Variants in FGD5 observed in about 807,000 individuals in gnomAD.
FGD5 encodes FYVE, RhoGEF and PH domain-containing protein 5.
In FGD5, 28 loss-of-function variants were observed where a neutral mutation model predicts 133.4. The observed-to-expected ratio is 0.21, with a 90% CI of 0.16 to 0.29. The LOEUF (loss-of-function observed/expected upper bound fraction) is 0.29, where lower values mean the gene tolerates loss of function less well. Ranked by LOEUF, FGD5 falls within the 10% of genes least tolerant of loss-of-function variation. The pLI is 1.00. For synonymous variants in FGD5, 810 were observed against 776.5 expected, an observed-to-expected ratio of 1.04 and a Z score of -0.72; for missense variants, 1,858 against 1,895.2, an observed-to-expected ratio of 0.98 and a Z score of 0.36.
chr3:14,910,157 A>G (rs1364106992), intron 10 of FGD5, among the ~76,000 whole-genome samples: 1 of 152,224 alleles, frequency 6.6e-6, no homozygotes, highest in Non-Finnish European at 1.5e-5. Flanking sequence ...TCTGTATACA[A>G]TTTATACCTC....
In FGD5 at chr3:14,820,840, G is replaced by A; in HGVS notation, c.1769G>A (p.Gly590Asp). Residue 590 changes from glycine to aspartate, a missense_variant, in exon 1 of 20, where the codon GGC (glycine) becomes GAC (aspartate). Gly to Asp is a moderately conservative substitution (Grantham distance 94). Transcript: ENST00000285046. The part of the protein sequence containing the change: ...EDNLSLSCVI[G>D]SSGSFSQRNH... ...AATCTCTCTCTGTCGTGTGTAATTG[G>A]CTCCTCTGGGAGTTTCTCCCAGAGA... 2 of 1,613,736 alleles carry A rather than the reference G, an allele frequency of 1.2e-6. No homozygotes were observed. The highest frequency in any genetic ancestry group is 1.7e-6 in the Non-Finnish European group (2 of 1,179,828).
At chr3:14,829,175 T>A (rs2036657997) in intron 1 of FGD5, among the ~76,000 whole-genome samples, 1 of 150,986 alleles carries the variant, frequency 6.6e-6, no homozygotes, top group Non-Finnish European at 1.5e-5. Flanking sequence ...GTCTGGAGAG[T>A]CGAAAGGATC....
intron 11 of FGD5, among the ~76,000 whole-genome samples, chr3:14,915,316 GCT>G (rs141976002): frequency 0.02 from 2,987 of 152,334 alleles, 87 homozygotes; most frequent in East Asian, 0.11. Flanking sequence ...CCCTCAGCAG[GCT>G]CTGTCTATCC....
chr3:14,925,379 A>C (rs906172288), intron 17 of FGD5, among the ~76,000 whole-genome samples: 1 of 152,096 alleles, frequency 6.6e-6, no homozygotes, highest in South Asian at 2.1e-4. Flanking sequence ...AGATCATTTC[A>C]TAATCACATA....
chr3:14,884,944 C>T (rs1376908832), intron 4 of FGD5, among the ~76,000 whole-genome samples: 4 of 151,878 alleles, frequency 2.6e-5, no homozygotes, highest in African/African-American at 4.8e-5. Flanking sequence ...TTATCTACCG[C>T]GACATCTAGA....
At chr3:14,815,905 C>T (rs1223604160), upstream of FGD5, among the ~76,000 whole-genome samples, 3 of 152,238 alleles carry the variant, frequency 2.0e-5, no homozygotes, top group South Asian at 2.1e-4. Context: ...CCTCTCTGTG[C>T]CTTAGTTTCC....
chr3:14,885,047 G>A (rs1022981767), intron 4 of FGD5, among the ~76,000 whole-genome samples: 3 of 151,392 alleles, frequency 2.0e-5, no homozygotes, highest in South Asian at 2.1e-4. Context: ...AAATACAGAG[G>A]GCTGTGTAAA....
chr3:14,918,180 G>A (rs1260842445), intron 12 of FGD5, among the ~76,000 whole-genome samples: 2 of 152,230 alleles, frequency 1.3e-5, no homozygotes, highest in African/African-American at 2.4e-5. Flanking sequence ...GGACTTTGAG[G>A]AGCAGGAGGT....
chr3:14,870,428 T>A (rs937495206), intron 2 of FGD5, among the ~76,000 whole-genome samples: 4 of 152,100 alleles, frequency 2.6e-5, no homozygotes, highest in Non-Finnish European at 5.9e-5. Context: ...GGAGCCAGGC[T>A]CCCTTCCGCC....
At chr3:14,900,074 C>T (rs549315605) in intron 7 of FGD5, among the ~76,000 whole-genome samples, 6 of 152,332 alleles carry the variant, frequency 3.9e-5, no homozygotes, top group Admixed American at 3.3e-4. Flanking sequence ...ACAACACACT[C>T]GGCTGTGCTG....
intron 1 of FGD5, among the ~76,000 whole-genome samples, chr3:14,813,418 G>T (rs1559463896): frequency 6.6e-6 from 1 of 152,170 alleles, no homozygotes; most frequent in South Asian, 2.1e-4. Context: ...ATCAGGCTTG[G>T]CTTGGACATT....
rs114241325 is a variant in FGD5 at position 14,837,202 on chromosome 3, G to A, written c.2525+15606G>A. ...GCGTGCCCTTGCCATCTTTATTGGC[G>A]TGTCCCTGACTCTTTCAGCCCTCAC... is the stretch of plus-strand genomic sequence containing the variant. On this transcript the variant is annotated intron_variant, in intron 1 of 19. Transcript: ENST00000285046. Among the ~76,000 whole-genome samples, 1,069 of 152,320 alleles carry A rather than the reference G, an allele frequency of 7.0e-3. 6 individuals carry two copies. The highest frequency in any genetic ancestry group is 0.012 in the Non-Finnish European group (815 of 68,022).
intron 4 of FGD5, among the ~76,000 whole-genome samples, chr3:14,891,477 A>G (rs1355742893): frequency 6.6e-6 from 1 of 152,222 alleles, no homozygotes; most frequent in Non-Finnish European, 1.5e-5. Flanking sequence ...TTCATCCCAG[A>G]GAGTCCATTC....
Position 14,863,630 on chromosome 3 carries a change from G to A in FGD5, c.2526-498G>A, listed in dbSNP as rs529947644. ...CAGGAATCCTTGTTGCTATGCAGCT[G>A]AGTGGGAACTGATGCCCTGAGCTAT... is the stretch of plus-strand genomic sequence containing the variant. On this transcript the variant is annotated intron_variant, in intron 1 of 19. Transcript: ENST00000285046. 3.3e-5 allele frequency among the ~76,000 whole-genome samples: 5 copies of A among 152,358 alleles called. No homozygotes were observed. The South Asian group carries it at 1.0e-3, about 32-fold the overall frequency.
intron 4 of FGD5, among the ~76,000 whole-genome samples, chr3:14,894,515 T>A (rs2038094949): frequency 1.3e-5 from 2 of 151,050 alleles, no homozygotes; most frequent in Non-Finnish European, 3.0e-5. Flanking sequence ...CTTTTTTTTT[T>A]TTTTTTTTTT....
intron 16 of FGD5, chr3:14,923,485 A>G (rs2038727716): frequency 2.6e-6 from 1 of 390,556 alleles, no homozygotes; most frequent in African/African-American, 2.0e-5. Flanking sequence ...CAAGTATCCT[A>G]TAGGCCTGTG....
At chr3:14,864,031 T>C in intron 1 of FGD5, 97 bp from the exon 2 acceptor site, 2 of 1,528,520 alleles carry the variant, frequency 1.3e-6, no homozygotes, top group Non-Finnish European at 1.8e-6. Context: ...TTACTACTTG[T>C]TTTCTGTCCC....
chr3:14,921,050 G>A (rs921147050), intron 13 of FGD5, among the ~76,000 whole-genome samples: 2 of 152,222 alleles, frequency 1.3e-5, no homozygotes, highest in African/African-American at 2.4e-5. Context: ...GGGTGGTGAC[G>A]ATCCACACGT....
At chr3:14,900,931 CCTGACA>C in intron 8 of FGD5, 66 bp from the exon 9 acceptor site, 1 of 1,575,684 alleles carries the variant, frequency 6.3e-7, no homozygotes, top group Non-Finnish European at 8.7e-7. Flanking sequence ...AGGCCTGTGA[CCTGACA>C]CTACAGTGGG....
Sources: gnomAD v4.1 joint callset for allele counts (sites outside exome capture counted in the v4.1 genomes callset) on GRCh38, gnomAD v4.1.1 for gene constraint, MANE v1.5 for transcripts, NCBI Gene and HGNC (gene_info 2026-07-23, HGNC 2026-07-21) for gene names.